The following SNX10 variants were observed in gnomAD, a reference collection of about 807,000 sequenced individuals.
SNX10 encodes the protein sorting nexin 10, also known as sorting nexin-10.
A neutral mutation model predicts 28.5 loss-of-function variants in SNX10; 25 were observed. The observed-to-expected ratio is 0.88, with a 90% confidence interval of 0.64 to 1.22. SNX10 has a LOEUF of 1.22. Among genes scored for constraint, SNX10 ranks in the 50% most tolerant of loss-of-function variants. SNX10 has a pLI of 0.00. For missense variants in SNX10, 223 were observed against 242.6 expected, an observed-to-expected ratio of 0.92 and a Z score of 0.54; for synonymous variants, 62 against 81.4, an observed-to-expected ratio of 0.76 and a Z score of 1.28.
intron 1 of SNX10, among the ~76,000 whole-genome samples, chr7:26,333,967 A>T (rs1218787797): frequency 6.6e-6 from 1 of 152,228 alleles, no homozygotes; most frequent in African/African-American, 2.4e-5. Flanking sequence ...ATACAAAGGC[A>T]ATCCGATTGG....
intron 6 of SNX10, 117 bp from the exon 7 acceptor site, chr7:26,372,374 T>C (rs1789589328): frequency 1.4e-6 from 1 of 720,534 alleles, no homozygotes; most frequent in South Asian, 1.7e-5. Context: ...AGTCCAAATT[T>C]CCTGTCTCTC....
At chr7:26,337,061 C>T (rs1251034231) in intron 1 of SNX10, among the ~76,000 whole-genome samples, 1 of 152,136 alleles carries the variant, frequency 6.6e-6, no homozygotes, top group Non-Finnish European at 1.5e-5. Flanking sequence ...GCTCACATTC[C>T]TACCAACAGT....
chr7:26,309,929 A>G (rs760554632), intron 1 of SNX10, among the ~76,000 whole-genome samples: 2 of 152,210 alleles, frequency 1.3e-5, no homozygotes, highest in African/African-American at 2.4e-5. Context: ...TAGATGAGAT[A>G]ATACATGTTG....
chr7:26,323,867 A>G (rs1171634068), intron 1 of SNX10, among the ~76,000 whole-genome samples: 1 of 152,232 alleles, frequency 6.6e-6, no homozygotes, highest in Non-Finnish European at 1.5e-5. Flanking sequence ...GTATCTCCAG[A>G]TAGCACCTGC....
intron 1 of SNX10, among the ~76,000 whole-genome samples, chr7:26,328,349 G>A (rs545139497): frequency 6.6e-6 from 1 of 152,314 alleles, no homozygotes; most frequent in South Asian, 2.1e-4. Context: ...ATTGTCTAGG[G>A]TGTGGATGGG....
chr7:26,313,124 G>T (rs1188931245), intron 1 of SNX10, among the ~76,000 whole-genome samples: 1 of 152,206 alleles, frequency 6.6e-6, no homozygotes, highest in Non-Finnish European at 1.5e-5. Flanking sequence ...AATGAAGTGT[G>T]TTGCATTCAC....
intron 1 of SNX10, 142 bp from the exon 2 acceptor site, chr7:26,346,278 G>A (rs927298025): frequency 3.0e-5 from 20 of 673,634 alleles, no homozygotes; most frequent in African/African-American, 5.3e-5. Flanking sequence ...AGAGGGCAGC[G>A]TGGGAGGAGC....
intron 1 of SNX10, among the ~76,000 whole-genome samples, chr7:26,296,005 C>T (rs567915668): frequency 1.3e-5 from 2 of 152,296 alleles, no homozygotes; most frequent in East Asian, 3.9e-4. Context: ...TGTGGTGGCG[C>T]ATGCCTGTAG....
At chr7:26,300,392 C>G (rs1263111832) in intron 1 of SNX10, among the ~76,000 whole-genome samples, 1 of 151,970 alleles carries the variant, frequency 6.6e-6, no homozygotes, top group African/African-American at 2.4e-5. Flanking sequence ...TACATCTAGC[C>G]CTAAATCTTT....
chr7:26,356,112 G>A (rs1324682540), intron 2 of SNX10, among the ~76,000 whole-genome samples: 1 of 152,154 alleles, frequency 6.6e-6, no homozygotes, highest in Non-Finnish European at 1.5e-5. Flanking sequence ...CCTGGGGTGT[G>A]GGGATGGGGG....
chr7:26,367,169 GA>G (rs1293231364), intron 5 of SNX10, among the ~76,000 whole-genome samples: 1 of 152,092 alleles, frequency 6.6e-6, no homozygotes, highest in East Asian at 1.9e-4. Flanking sequence ...AAAAGGACTT[GA>G]AAAAAACTCT....
At chr7:26,349,055 C>G (rs1459633402) in intron 2 of SNX10, among the ~76,000 whole-genome samples, 2 of 152,224 alleles carry the variant, frequency 1.3e-5, no homozygotes, top group African/African-American at 4.8e-5. Flanking sequence ...TTAGGTCAAG[C>G]CTTTCATATC....
intron 1 of SNX10, among the ~76,000 whole-genome samples, chr7:26,324,979 T>C (rs1300641019): frequency 6.6e-6 from 1 of 152,026 alleles, no homozygotes; most frequent in Non-Finnish European, 1.5e-5. Flanking sequence ...TTTAAAGTGA[T>C]AGGGATACCG....
chr7:26,311,260 A>G (rs191458184), intron 1 of SNX10, among the ~76,000 whole-genome samples: 1 of 151,884 alleles, frequency 6.6e-6, no homozygotes, highest in Non-Finnish European at 1.5e-5. Context: ...AAGGATTCTC[A>G]TGCCTTAGCC....
intron 1 of SNX10, among the ~76,000 whole-genome samples, chr7:26,299,004 T>C (rs986089199): frequency 6.6e-6 from 1 of 152,166 alleles, no homozygotes; most frequent in African/African-American, 2.4e-5. Context: ...CTTTACTATA[T>C]GCATTTTGGC....
intron 1 of SNX10, among the ~76,000 whole-genome samples, chr7:26,309,568 A>T (rs1301641821): frequency 6.6e-6 from 1 of 152,094 alleles, no homozygotes; most frequent in East Asian, 1.9e-4. Context: ...GAAGATAAGT[A>T]TTACGTCTTT....
chr7:26,304,811 G>A (rs1786520034), intron 1 of SNX10, among the ~76,000 whole-genome samples: 1 of 152,150 alleles, frequency 6.6e-6, no homozygotes, highest in Non-Finnish European at 1.5e-5. Flanking sequence ...TACTTTTGGG[G>A]AAGAATCACA....
chr7:26,343,343 C>G (rs1035202946), intron 1 of SNX10, among the ~76,000 whole-genome samples: 1 of 152,306 alleles, frequency 6.6e-6, no homozygotes, highest in South Asian at 2.1e-4. Flanking sequence ...TGAGCACTTG[C>G]ACTCTTTCAT....
At chr7:26,346,092 C>A (rs542430784) in intron 1 of SNX10, among the ~76,000 whole-genome samples, 1 of 152,228 alleles carries the variant, frequency 6.6e-6, no homozygotes, top group African/African-American at 2.4e-5. Context: ...CCGCACATGG[C>A]TTCTGCTCCC....
Sources: allele counts gnomAD v4.1 joint callset (sites outside exome capture counted in the v4.1 genomes callset), GRCh38; gene constraint gnomAD v4.1.1; transcripts MANE v1.5; gene names NCBI Gene and HGNC (gene_info 2026-07-23, HGNC 2026-07-21).